Variants in TBCD observed in about 807,000 individuals in gnomAD.
The protein encoded by TBCD is tubulin folding cofactor D, also known as tubulin-specific chaperone D.
TBCD carries 105 observed loss-of-function variants against 169.3 expected under a neutral mutation model. That is an observed-to-expected ratio of 0.62 (90% CI 0.53 to 0.73). The LOEUF is 0.73. Ranked by LOEUF, TBCD falls within the 30% of genes least tolerant of loss-of-function variation. The probability of loss-of-function intolerance (pLI) is 0.00; values close to 1 mark genes in which losing one functional copy is unlikely to be tolerated. For synonymous variants in TBCD, 700 were observed against 643.9 expected (o/e 1.09, Z -1.32); for missense variants, 1,444 against 1,600.1 (o/e 0.90, Z 1.66).
At chr17:82,852,680 C>T (rs1432030104) in intron 13 of TBCD, among the ~76,000 whole-genome samples, 1 of 152,230 alleles carries the variant, frequency 6.6e-6, no homozygotes, top group Non-Finnish European at 1.5e-5. Context: ...CACTCGGGGG[C>T]ACTGGGGTTA....
chr17:82,831,632 C>T lies in TBCD; in HGVS notation c.1318+16698C>T. 6.2e-7 allele frequency: 1 copy of T among 1,614,126 alleles called. No homozygotes were observed. Among genetic ancestry groups the T allele is most frequent in the Middle Eastern group, 1.6e-4 (1 of 6,062 alleles). ...TGTCTCGGGTCTTGGGTTCCGTAGA[C>T]TGACAGCAGGGGTGCGTCACACTCA... On this transcript the variant is annotated intron_variant, in intron 13 of 38. Transcript: ENST00000355528. This position sits in a 1 kb window ranked among gnomAD's most constrained non-coding sequence, Gnocchi z 4.6.
intron 7 of TBCD, among the ~76,000 whole-genome samples, chr17:82,787,617 C>A (rs548712158): frequency 6.6e-6 from 1 of 152,180 alleles, no homozygotes; most frequent in African/African-American, 2.4e-5. Context: ...ATGAAACTTG[C>A]AGGTGGATTC....
chr17:82,766,496 C>A (rs1484712169), intron 4 of TBCD, 128 bp downstream of exon 4: 1 of 560,618 alleles, frequency 1.8e-6, no homozygotes, highest in Non-Finnish European at 3.1e-6. Flanking sequence ...TTGTGTCACT[C>A]CTCTTTTCTT....
At chr17:82,793,119 A>G (rs2049864230) in intron 7 of TBCD, among the ~76,000 whole-genome samples, 1 of 152,214 alleles carries the variant, frequency 6.6e-6, no homozygotes, top group African/African-American at 2.4e-5. Flanking sequence ...AATTTGTCAG[A>G]AATTTATTTT....
intron 33 of TBCD, chr17:82,932,018 T>G (rs548855260): frequency 6.4e-6 from 1 of 156,398 alleles, no homozygotes; most frequent in South Asian, 1.9e-4. Flanking sequence ...GATCCTCCCT[T>G]GTCACACATG....
chr17:82,866,887 G>T, intron 13 of TBCD, among the ~76,000 whole-genome samples: 1 of 152,248 alleles, frequency 6.6e-6, no homozygotes, highest in South Asian at 2.1e-4. Flanking sequence ...TAAGACAGAG[G>T]AGTGCGCCAG....
chr17:82,911,764 G>A lies in TBCD; in HGVS notation c.2013G>A (p.Leu671=). The A allele has an allele frequency of 1.9e-6, 3 of 1,613,902 alleles. No individual in the cohort carries two copies. The highest frequency in any genetic ancestry group is 2.5e-6 in the Non-Finnish European group (3 of 1,179,848). ...QLYDRQLYRG[L]GGQLMRQAVC... The stretch of plus-strand genomic sequence containing the variant: ...TGTTTTCATTCCTTTTCAGGGGTCT[G>A]GGAGGACAGCTCATGAGACAAGCAG... Residue 671 remains leucine (L), a synonymous_variant, in exon 23 of 39, where the codon CTG becomes CTA. Transcript: ENST00000355528.
chr17:82,826,771 C>CT lies in TBCD; in HGVS notation c.1318+11842dup, dbSNP rs1369681940. Among the ~76,000 whole-genome samples, 11 of 151,186 alleles carry CT rather than the reference C, an allele frequency of 7.3e-5. No homozygotes were observed. The South Asian group carries it at 2.3e-3, about 32-fold the overall frequency. On this transcript the variant is annotated intron_variant, in intron 13 of 38. Transcript: ENST00000355528. The stretch of plus-strand genomic sequence containing the variant: ...AGGTTCTGCAACAGTACAATTTTTG[C>CT]TTTTTATTTATGTATTTTTTTTGAG...
chr17:82,779,663 C>T (rs1439320993), intron 6 of TBCD, among the ~76,000 whole-genome samples: 3 of 152,150 alleles, frequency 2.0e-5, no homozygotes, highest in Non-Finnish European at 1.5e-5. Context: ...AGGGCTTGTC[C>T]CCACGGAAGC....
chr17:82,867,138 G>GGGT (rs2057227324), intron 13 of TBCD, among the ~76,000 whole-genome samples: 1 of 152,110 alleles, frequency 6.6e-6, no homozygotes, highest in East Asian at 1.9e-4. Flanking sequence ...CAGGTCCTGG[G>GGGT]GGTGTGGTGG....
intron 18 of TBCD, 31 bp downstream of exon 18, chr17:82,900,762 C>CT (rs753929011): frequency 4.8e-5 from 73 of 1,523,584 alleles, no homozygotes; most frequent in Non-Finnish European, 6.6e-5. Context: ...TTTCTAAGAG[C>CT]TTTTTTTCCC....
chr17:82,926,796 C>T, intron 28 of TBCD: 3 of 527,186 alleles, frequency 5.7e-6, no homozygotes, highest in East Asian at 6.7e-5. Flanking sequence ...GATCTCTGCA[C>T]TCGTTGACAG....
chr17:82,909,756 G>C (rs937931813), intron 22 of TBCD, among the ~76,000 whole-genome samples: 1 of 152,246 alleles, frequency 6.6e-6, no homozygotes, highest in African/African-American at 2.4e-5. Context: ...TAGGTTTTCA[G>C]CTCTGCAGGT....
chr17:82,776,523 G>T (rs1271168266), intron 6 of TBCD, among the ~76,000 whole-genome samples: 1 of 152,174 alleles, frequency 6.6e-6, no homozygotes, highest in Middle Eastern at 3.2e-3. Flanking sequence ...CTTTTAATGT[G>T]CACAGCATGA....
At position 82,922,796 on chromosome 17, in the gene TBCD, G is replaced by A. The variant is rs1479268557; in HGVS notation, c.2179-856G>A. On this transcript the variant is annotated intron_variant, in intron 25 of 38. Coordinates refer to ENST00000355528, the MANE Select transcript of TBCD (RefSeq NM_005993.5). This position sits in a 1 kb window ranked among gnomAD's most constrained non-coding sequence, Gnocchi z 4.1. ...TCTCCAAGGCTGCTCTGTTGGCCTC[G>A]GCTCCTGGGCTTCGGGGGAGCGGTG... is the stretch of plus-strand genomic sequence containing the variant. Among the ~76,000 whole-genome samples, 6 of 152,182 alleles carry A rather than the reference G, an allele frequency of 3.9e-5. No homozygotes were observed. The highest frequency in any genetic ancestry group is 3.3e-4 in the Admixed American group (5 of 15,286).
intron 13 of TBCD, among the ~76,000 whole-genome samples, chr17:82,846,324 CG>C (rs2055100933): frequency 4.1e-5 from 6 of 147,488 alleles, no homozygotes; most frequent in Admixed American, 6.7e-5. Flanking sequence ...TCCAGCGTGC[CG>C]TGTCCTCTCG....
At position 82,942,887 on chromosome 17, in the gene TBCD, G is replaced by A. The variant is rs2063431622; in HGVS notation, c.*424G>A. 1 of 241,946 alleles carries A rather than the reference G, an allele frequency of 4.1e-6. No individual in the cohort carries two copies. The highest frequency in any genetic ancestry group is 8.0e-6 in the Non-Finnish European group (1 of 125,456). 15.0% of individuals were successfully genotyped at this position (241,946 alleles called of 1,614,324 possible). A position where few individuals can be genotyped will look rare whatever the true frequency, so the allele number is the denominator to read the frequency against. On this transcript the variant is annotated 3_prime_UTR_variant, in exon 39 of 39. Transcript: ENST00000355528. ...CACAGGCAGTGCCCCACCCAGTCTT[G>A]GAGAGAGATGAATGTTAAATCAGAG...
At chr17:82,779,008 A>G (rs2048776812) in intron 6 of TBCD, among the ~76,000 whole-genome samples, 1 of 138,368 alleles carries the variant, frequency 7.2e-6, no homozygotes, top group Non-Finnish European at 1.6e-5. Flanking sequence ...GGGTTTATTT[A>G]TTTATTTATT....
At chr17:82,926,356 T>G in intron 27 of TBCD, 44 bp from the exon 28 acceptor site, 1 of 1,593,244 alleles carries the variant, frequency 6.3e-7, no homozygotes, top group Non-Finnish European at 8.6e-7. Flanking sequence ...GAGTGCACTT[T>G]GTTATAGCTT....
Sources: gnomAD v4.1 joint callset for allele counts (sites outside exome capture counted in the v4.1 genomes callset) on GRCh38, gnomAD v4.1.1 for gene constraint, Gnocchi (gnomAD v3.1) non-coding constraint, MANE v1.5 for transcripts, NCBI Gene and HGNC (gene_info 2026-07-23, HGNC 2026-07-21) for gene names.